ASS1: variants seen among roughly 807,000 people sequenced by gnomAD.
The protein encoded by ASS1 is argininosuccinate synthase 1, also known as argininosuccinate synthase.
A neutral mutation model predicts 60.5 loss-of-function variants in ASS1; 58 were observed. The observed-to-expected ratio is 0.96, with a 90% confidence interval of 0.78 to 1.19. The LOEUF is 1.19. Among genes scored for constraint, ASS1 ranks in the 50% most tolerant of loss-of-function variants. ASS1 has a pLI of 0.00. For synonymous variants in ASS1, 200 were observed against 206.9 expected (o/e 0.97, Z 0.29); for missense variants, 454 against 547.3 (o/e 0.83, Z 1.70).
intron 12 of ASS1, among the ~76,000 whole-genome samples, chr9:130,490,556 C>T (rs1003989872): frequency 2.0e-5 from 3 of 152,070 alleles, no homozygotes; most frequent in Non-Finnish European, 4.4e-5. Context: ...TCAGGTGATC[C>T]GCCCGTCTTG....
intron 14 of ASS1, among the ~76,000 whole-genome samples, chr9:130,500,624 T>C (rs1479688331): frequency 6.6e-6 from 1 of 151,982 alleles, no homozygotes; most frequent in Non-Finnish European, 1.5e-5. Flanking sequence ...CACCTCCACC[T>C]CCCCTGCCTC....
chr9:130,489,359 A>G lies in ASS1; in HGVS notation c.865A>G (p.Ile289Val). The G allele has an allele frequency of 6.2e-7, 1 of 1,613,588 alleles. No homozygotes were observed. The highest frequency in any genetic ancestry group is 8.5e-7 in the Non-Finnish European group (1 of 1,179,968). ...TATCTACGAGACCCCAGCAGGCACC[A>G]TCCTTTACCATGCTCATTTAGACAT... ...RGIYETPAGT[I>V]LYHAHLDIEA... Residue 289 changes from isoleucine (I) to valine (V), a missense_variant, in exon 12 of 15, where the codon ATC becomes GTC. Ile to Val is a conservative substitution (Grantham distance 29). Coordinates refer to ENST00000352480, the MANE Select transcript of ASS1 (RefSeq NM_054012.4). This position sits in a 1 kb window ranked among gnomAD's most constrained non-coding sequence, Gnocchi z 4.1.
At chr9:130,463,995 G>A (rs951907132) in intron 4 of ASS1, 116 bp from the exon 5 acceptor site, 13 of 1,099,764 alleles carry the variant, frequency 1.2e-5, no homozygotes, top group Admixed American at 5.6e-5. Context: ...CCTCACATGT[G>A]TACACGCTCT....
Position 130,499,226 on chromosome 9 carries a change from G to A in ASS1, c.1128-279G>A, listed in dbSNP as rs1846676530. Among the ~76,000 whole-genome samples the A allele has an allele frequency of 1.3e-5, 2 of 152,210 alleles. 1 individual carries two copies. On this transcript the variant is annotated intron_variant, in intron 13 of 14. Coordinates refer to ENST00000352480, the MANE Select transcript of ASS1 (RefSeq NM_054012.4). The stretch of plus-strand genomic sequence containing the variant: ...TGGAATTCATAGGGCTAGTTCTGGG[G>A]TGGCTGCTCCTAGCCTCCTGCCACA...
intron 6 of ASS1, among the ~76,000 whole-genome samples, chr9:130,467,936 AG>A (rs775826278): frequency 6.6e-6 from 1 of 152,194 alleles, no homozygotes; most frequent in Non-Finnish European, 1.5e-5. Context: ...GATGAGTCTC[AG>A]GAGCACACTG....
intron 1 of ASS1, among the ~76,000 whole-genome samples, chr9:130,450,626 G>A (rs536298037): frequency 6.6e-6 from 1 of 152,360 alleles, no homozygotes; most frequent in East Asian, 1.9e-4. Context: ...AGGTGGGACC[G>A]TGCAGCATGC....
At position 130,466,468 on chromosome 9, in the gene ASS1, C is replaced by G; in HGVS notation, c.421-257C>G. 5.3e-6 allele frequency: 3 copies of G among 566,664 alleles called. No homozygotes were observed. In the South Asian group the frequency reaches 6.0e-5, roughly 11 times the overall value. The allele number at this position is 566,664 out of a possible 1,614,324, so 35.1% of individuals were successfully genotyped here. ...TCTGGGGAGACTGAGGCCCAGGGAA[C>G]AGGGACCCCCTTCTCACCCCAACAC... On this transcript the variant is annotated intron_variant, in intron 5 of 14. Transcript: ENST00000352480.
chr9:130,484,842 C>T (rs1411800773), intron 11 of ASS1, among the ~76,000 whole-genome samples: 2 of 152,120 alleles, frequency 1.3e-5, no homozygotes, highest in Non-Finnish European at 2.9e-5. Flanking sequence ...TGCGCGCGCG[C>T]GCGTCGGCAG....
chr9:130,446,717 A>AC (rs1446544739), intron 1 of ASS1, among the ~76,000 whole-genome samples: 1 of 151,716 alleles, frequency 6.6e-6, no homozygotes, highest in East Asian at 1.9e-4. Context: ...CCCCCTCCCA[A>AC]CCCGGGCCCA....
chr9:130,464,732 C>T (rs1462526593), intron 5 of ASS1, among the ~76,000 whole-genome samples: 1 of 152,030 alleles, frequency 6.6e-6, no homozygotes, highest in African/African-American at 2.4e-5. Flanking sequence ...AGGAGGGCAC[C>T]TGTGGGTATT....
intron 8 of ASS1, among the ~76,000 whole-genome samples, chr9:130,475,843 G>A (rs1037585658): frequency 4.1e-5 from 6 of 145,278 alleles, no homozygotes; most frequent in Admixed American, 3.6e-4. Context: ...TGCAACCTCC[G>A]CCTCCCAGGT....
chr9:130,496,593 TAAA>T (rs56807719), intron 13 of ASS1, among the ~76,000 whole-genome samples: 7 of 105,948 alleles, frequency 6.6e-5, no homozygotes, highest in African/African-American at 1.4e-4. Context: ...ACTGTCTCTT[TAAA>T]AAAAAAAAAA....
intron 2 of ASS1, 108 bp downstream of exon 2, chr9:130,452,441 C>T: frequency 1.0e-6 from 1 of 954,294 alleles, no homozygotes. Context: ...CACCGTCACT[C>T]ATTCAAGCCT....
intron 8 of ASS1, among the ~76,000 whole-genome samples, chr9:130,473,499 TCCCACCCAGGCACCCAGAG>T (rs1845925062): frequency 6.7e-6 from 1 of 150,242 alleles, no homozygotes; most frequent in Admixed American, 6.6e-5. Flanking sequence ...GCACCCAGAG[TCCCACCCAGGCACCCAGAG>T]TCCAGTCACT....
At chr9:130,472,558 G>A (rs918495872) in intron 8 of ASS1, among the ~76,000 whole-genome samples, 2 of 152,122 alleles carry the variant, frequency 1.3e-5, no homozygotes, top group Non-Finnish European at 2.9e-5. Context: ...AACGGGCCCT[G>A]GGGCTGGTGC....
At position 130,489,245 on chromosome 9, in the gene ASS1, A is replaced by ATTTT; in HGVS notation, c.839-80_839-77dup. ...TGTCAGACGACTCATTATTATTATT[A>ATTTT]TTTTTTTTTTTGTCATTTGCTGACA... On this transcript the variant is annotated intron_variant, in intron 11 of 14. Transcript: ENST00000352480. This position sits in a 1 kb window ranked among gnomAD's most constrained non-coding sequence, Gnocchi z 4.1. 1 of 1,364,840 alleles carries ATTTT rather than the reference A, an allele frequency of 7.3e-7. No individual in the cohort carries two copies. The highest frequency in any genetic ancestry group is 1.0e-6 in the Non-Finnish European group (1 of 992,854). 84.5% of individuals were successfully genotyped at this position (1,364,840 alleles called of 1,614,324 possible).
intron 6 of ASS1, among the ~76,000 whole-genome samples, chr9:130,469,687 G>A (rs924816085): frequency 7.2e-5 from 11 of 152,326 alleles, no homozygotes; most frequent in African/African-American, 1.2e-4. Flanking sequence ...GTTTTAAAAT[G>A]AGTCTCCTGG....
Position 130,489,582 on chromosome 9 carries a change from C to T in ASS1, c.970+118C>T. ...CAGCACCTTCCTCCCCTGCCGCCCACTGCCATCCTCATGTGAGACCCCAAA... is the reference window on the plus strand; with the variant it reads ...CAGCACCTTCCTCCCCTGCCGCCCATTGCCATCCTCATGTGAGACCCCAAA... On this transcript the variant is annotated intron_variant, in intron 12 of 14. Coordinates refer to ENST00000352480, the MANE Select transcript of ASS1 (RefSeq NM_054012.4). This position sits in a 1 kb window ranked among gnomAD's most constrained non-coding sequence, Gnocchi z 4.1. 2 of 1,524,016 alleles carry T rather than the reference C, an allele frequency of 1.3e-6. No homozygotes were observed. The highest frequency in any genetic ancestry group is 1.8e-6 in the Non-Finnish European group (2 of 1,107,728). The allele number at this position is 1,524,016 out of a possible 1,614,324, so 94.4% of individuals were successfully genotyped here.
At chr9:130,448,182 A>AG (rs933094238) in intron 1 of ASS1, among the ~76,000 whole-genome samples, 2 of 151,800 alleles carry the variant, frequency 1.3e-5, no homozygotes, top group African/African-American at 2.4e-5. Context: ...AGGCTGAGGG[A>AG]GGGGGGTGCC....
Sources: gnomAD v4.1 joint callset for allele counts (sites outside exome capture counted in the v4.1 genomes callset) on GRCh38, gnomAD v4.1.1 for gene constraint, Gnocchi (gnomAD v3.1) non-coding constraint, MANE v1.5 for transcripts, NCBI Gene and HGNC (gene_info 2026-07-23, HGNC 2026-07-21) for gene names.